SGK1: variants seen among roughly 807,000 people sequenced by gnomAD.
SGK1 encodes serum/glucocorticoid regulated kinase 1.
In SGK1, 26 loss-of-function variants were observed where a neutral mutation model predicts 64.2. The observed-to-expected ratio is 0.40, with a 90% CI of 0.30 to 0.56. The LOEUF (loss-of-function observed/expected upper bound fraction) is 0.56, where lower values mean the gene tolerates loss of function less well. Ranked by LOEUF, SGK1 falls within the 20% of genes least tolerant of loss-of-function variation. SGK1 has a pLI of 0.38. For missense variants in SGK1, 519 were observed against 645.6 expected, an observed-to-expected ratio of 0.80 and a Z score of 2.12; for synonymous variants, 265 against 239.7, an observed-to-expected ratio of 1.11 and a Z score of -0.98.
At chr6:134,192,583 C>T (rs910842854) in intron 3 of SGK1, among the ~76,000 whole-genome samples, 2 of 151,598 alleles carry the variant, frequency 1.3e-5, no homozygotes, top group Non-Finnish European at 2.9e-5. Context: ...CTACCTCCCT[C>T]CCACCTCCAT....
chr6:134,276,985 G>A (rs1205159144), intron 1 of SGK1, among the ~76,000 whole-genome samples: 1 of 152,108 alleles, frequency 6.6e-6, no homozygotes, highest in African/African-American at 2.4e-5. Context: ...AGGAGGTTGA[G>A]GCTGCAGTGA....
chr6:134,210,228 A>G (rs933648440), intron 2 of SGK1, among the ~76,000 whole-genome samples: 9 of 151,410 alleles, frequency 5.9e-5, no homozygotes, highest in African/African-American at 2.2e-4. Flanking sequence ...ATTTGGCCTC[A>G]GAAAGAAATC....
At chr6:134,226,669 G>T (rs527270572) in intron 2 of SGK1, among the ~76,000 whole-genome samples, 1 of 151,596 alleles carries the variant, frequency 6.6e-6, no homozygotes, top group Non-Finnish European at 1.5e-5. Context: ...ACTCAAGCCT[G>T]GGTGACAGAG....
chr6:134,296,776 C>CAAAAA (rs869144600), intron 1 of SGK1, among the ~76,000 whole-genome samples: 3 of 66,736 alleles, frequency 4.5e-5, no homozygotes, highest in Non-Finnish European at 5.9e-5. Flanking sequence ...TATTTTGGAC[C>CAAAAA]AAAAAAAAAA....
intron 3 of SGK1, among the ~76,000 whole-genome samples, chr6:134,206,338 GATATATATATATATATATAT>G (rs71003676): frequency 3.7e-3 from 121 of 32,690 alleles, no homozygotes; most frequent in African/African-American, 8.1e-3. Context: ...TGTACCTGAT[GATATATATATATATATATAT>G]ATATATATAT....
At chr6:134,297,566 G>C (rs549381019) in intron 1 of SGK1, 8 of 503,674 alleles carry the variant, frequency 1.6e-5, no homozygotes, top group African/African-American at 1.2e-4. Flanking sequence ...GCAGTGGCAC[G>C]ATCTCGGCTC....
chr6:134,281,834 G>A (rs945288673), intron 1 of SGK1, among the ~76,000 whole-genome samples: 2 of 152,148 alleles, frequency 1.3e-5, no homozygotes, highest in Non-Finnish European at 2.9e-5. Context: ...ACCAGAACTG[G>A]ACTAGGAGAG....
intron 2 of SGK1, among the ~76,000 whole-genome samples, chr6:134,234,647 C>T (rs1033098750): frequency 2.6e-5 from 4 of 151,940 alleles, no homozygotes; most frequent in African/African-American, 4.8e-5. Context: ...GAGGCCGGGG[C>T]GGGTGGATCA....
chr6:134,188,908 C>CT (rs34316759), intron 3 of SGK1, among the ~76,000 whole-genome samples: 4,143 of 110,178 alleles, frequency 0.038, 227 homozygotes, highest in African/African-American at 0.11. Flanking sequence ...ATTTCTTTTT[C>CT]TTTTTTTTTT....
intron 1 of SGK1, among the ~76,000 whole-genome samples, chr6:134,288,207 T>A (rs1232874453): frequency 6.6e-6 from 1 of 152,114 alleles, no homozygotes; most frequent in Admixed American, 6.6e-5. Flanking sequence ...TATTGCCCTA[T>A]GGGAAGGGCT....
At chr6:134,171,358 T>TTG (rs113274174) in intron 11 of SGK1, 180 bp from the exon 12 acceptor site, 106,826 of 620,724 alleles carry the variant, frequency 0.17, 6,377 homozygotes, top group South Asian at 0.22. Flanking sequence ...GTGTGTGTGT[T>TTG]TGTGTGTGTG....
intron 1 of SGK1, among the ~76,000 whole-genome samples, chr6:134,277,569 G>A (rs1777036031): frequency 6.6e-6 from 1 of 151,976 alleles, no homozygotes; most frequent in African/African-American, 2.4e-5. Context: ...AATGGGAGGA[G>A]GTATCACTAT....
intron 3 of SGK1, among the ~76,000 whole-genome samples, chr6:134,199,571 A>AAAG: frequency 6.6e-6 from 1 of 151,232 alleles, no homozygotes; most frequent in East Asian, 1.9e-4. Context: ...AAAAAAAAAA[A>AAAG]AAAAAAGAAA....
At position 134,269,199 on chromosome 6, in the gene SGK1, G is replaced by A. The variant is rs1462847873; in HGVS notation, c.70-7051C>T. ...GCAACACCTACTCTCATTGGCCCCC[G>A]TCCTTTTAGGGGGAAGAGCTGACTC... On this transcript the variant is annotated intron_variant, in intron 1 of 13. Transcript: ENST00000367858. Among the ~76,000 whole-genome samples the A allele has an allele frequency of 3.4e-5, 5 of 147,424 alleles. 1 individual carries two copies. Among genetic ancestry groups the A allele is most frequent in the African/African-American group, 1.2e-4 (5 of 41,028 alleles).
chr6:134,286,047 G>A (rs2114775576), intron 1 of SGK1, among the ~76,000 whole-genome samples: 1 of 152,284 alleles, frequency 6.6e-6, no homozygotes, highest in Non-Finnish European at 1.5e-5. Flanking sequence ...TCTTATTGCA[G>A]GCTGTAGACT....
chr6:134,310,067 C>T (rs1167878213), intron 1 of SGK1, among the ~76,000 whole-genome samples: 1 of 151,822 alleles, frequency 6.6e-6, no homozygotes, highest in Non-Finnish European at 1.5e-5. Flanking sequence ...TTGATGGCTC[C>T]ACCCCCCACG....
rs11409950 is a variant in SGK1, at chr6:134,213,643, T to TA, written c.286-6213dup. Among the ~76,000 whole-genome samples the TA allele has an allele frequency of 7.7e-3, 215 of 27,770 alleles. 1 individual carries two copies. Among genetic ancestry groups the TA allele is most frequent in the South Asian group, 0.041 (21 of 508 alleles). The allele number at this position is 27,770 out of a possible 152,430, so 18.2% of individuals were successfully genotyped here. ...ATAAATAAATAAATAAATAAATAAA[T>TA]AATAAATAAATAAAATGTCCTCATG... is the stretch of plus-strand genomic sequence containing the variant. On this transcript the variant is annotated intron_variant, in intron 2 of 13. Transcript: ENST00000367858.
chr6:134,206,554 A>G (rs1347082055), intron 3 of SGK1, among the ~76,000 whole-genome samples: 1 of 151,380 alleles, frequency 6.6e-6, no homozygotes, highest in Non-Finnish European at 1.5e-5. Flanking sequence ...AAGACATAAC[A>G]AAAGGACTTT....
intron 7 of SGK1, 58 bp from the exon 8 acceptor site, chr6:134,173,212 G>C (rs1775088546): frequency 6.2e-7 from 1 of 1,609,282 alleles, no homozygotes; most frequent in African/African-American, 1.3e-5. Flanking sequence ...CAACATTCCA[G>C]AATCAAGATT....
Sources: gnomAD v4.1 joint callset for allele counts (sites outside exome capture counted in the v4.1 genomes callset) on GRCh38, gnomAD v4.1.1 for gene constraint, MANE v1.5 for transcripts, NCBI Gene and HGNC (gene_info 2026-07-23, HGNC 2026-07-21) for gene names.